Variants in LATS2 observed in about 807,000 individuals in gnomAD.
LATS2 encodes large tumor suppressor kinase 2, also known as serine/threonine-protein kinase LATS2.
In LATS2, 24 loss-of-function variants were observed where a neutral mutation model predicts 76.0. That is an observed-to-expected ratio of 0.32 (90% CI 0.23 to 0.44). The LOEUF (loss-of-function observed/expected upper bound fraction) is 0.44, where lower values mean the gene tolerates loss of function less well. LATS2 is among the 20% of genes least tolerant of loss of function. The pLI is 1.00. For synonymous variants in LATS2, 692 were observed against 635.4 expected (o/e 1.09, Z -1.34); for missense variants, 1,286 against 1,481.2 (o/e 0.87, Z 2.16).
intron 7 of LATS2, among the ~76,000 whole-genome samples, chr13:20,979,476 AAATGGGTCC>A (rs1869772786): frequency 6.6e-6 from 1 of 152,190 alleles, no homozygotes; most frequent in Non-Finnish European, 1.5e-5. Context: ...TCAGATATTA[AAATGGGTCC>A]AATTCCATGG....
chr13:21,000,051 T>C (rs1352711322), intron 2 of LATS2, among the ~76,000 whole-genome samples: 1 of 151,924 alleles, frequency 6.6e-6, no homozygotes, highest in African/African-American at 2.4e-5. Flanking sequence ...ATAAAGAGCA[T>C]TTTACAACTA....
chr13:21,057,538 CG>C (rs2138420757), intron 1 of LATS2, among the ~76,000 whole-genome samples: 1 of 152,268 alleles, frequency 6.6e-6, no homozygotes, highest in African/African-American at 2.4e-5. Flanking sequence ...CGTAACAGGC[CG>C]GGCGCGGTGG....
chr13:20,977,956 T>C (rs1869701396), intron 7 of LATS2, among the ~76,000 whole-genome samples: 1 of 152,060 alleles, frequency 6.6e-6, no homozygotes, highest in South Asian at 2.1e-4. Flanking sequence ...CGCTCTGTCA[T>C]CCAGGTTGGA....
intron 2 of LATS2, among the ~76,000 whole-genome samples, chr13:20,999,433 G>A (rs750825968): frequency 2.0e-5 from 3 of 152,102 alleles, no homozygotes; most frequent in Non-Finnish European, 4.4e-5. Flanking sequence ...TCTCTGTATC[G>A]TTCCAATTTT....
chr13:20,995,321 CT>C (rs1565947917), intron 2 of LATS2, among the ~76,000 whole-genome samples: 1 of 152,154 alleles, frequency 6.6e-6, no homozygotes, highest in East Asian at 1.9e-4. Context: ...GTAATGAGTT[CT>C]TTTCCCCAAG....
chr13:21,007,104 CTG>C (rs1005339044), intron 2 of LATS2, among the ~76,000 whole-genome samples: 1 of 152,128 alleles, frequency 6.6e-6, no homozygotes, highest in Non-Finnish European at 1.5e-5. Flanking sequence ...GTAGCAAAAA[CTG>C]AAATTCCCTG....
At chr13:21,004,435 A>C (rs112613027) in intron 2 of LATS2, among the ~76,000 whole-genome samples, 14 of 56,668 alleles carry the variant, frequency 2.5e-4, no homozygotes, top group African/African-American at 1.3e-3. Flanking sequence ...ACACTGTCTC[A>C]AAAAAAAAAA....
At chr13:21,010,605 C>CA (rs1871554843) in intron 2 of LATS2, among the ~76,000 whole-genome samples, 2 of 152,196 alleles carry the variant, frequency 1.3e-5, no homozygotes, top group Non-Finnish European at 2.9e-5. Context: ...AAAGCACTGT[C>CA]AAAGACACTG....
At position 20,988,081 on chromosome 13, in the gene LATS2, C is replaced by T. The variant is rs1870246604; in HGVS notation, c.1699G>A (p.Gly567Arg). The T allele has an allele frequency of 1.2e-6, 2 of 1,614,272 alleles. No homozygotes were observed. The highest frequency in any genetic ancestry group is 2.7e-5 in the African/African-American group (2 of 75,074). The change falls in exon 4 of 8, where the codon GGA (glycine) becomes AGA (arginine). Residue 567 changes from glycine (G) to arginine (R), a missense_variant. Physicochemically the swap from Gly to Arg is moderately radical, Grantham distance 125. Around this residue, in one of 5 missense-constraint regions of LATS2, gnomAD observed 710 missense variants for 660.9 expected, o/e 1.07. Coordinates refer to ENST00000382592, the MANE Select transcript of LATS2 (RefSeq NM_014572.3). ...GTCTGAATCTGCTTTTTATCCTTTC[C>T]GCCTTTGTCCCCCTTGGCGCTTTTG... is the stretch of plus-strand genomic sequence containing the variant. ...SRKSAKGDKG[G>R]KDKKQIQTSP...
At chr13:21,006,040 G>C (rs9550691) in intron 2 of LATS2, among the ~76,000 whole-genome samples, 23,772 of 151,978 alleles carry the variant, frequency 0.16, 2,971 homozygotes, top group East Asian at 0.5. Flanking sequence ...GGGAGGCTGA[G>C]GCAGGAGAAT....
At chr13:21,060,264 G>A (rs1191506415) in intron 1 of LATS2, among the ~76,000 whole-genome samples, 8 of 152,228 alleles carry the variant, frequency 5.3e-5, no homozygotes, top group Admixed American at 1.3e-4. Flanking sequence ...TTCTGGAGTT[G>A]GGCTGAAGGA....
intron 2 of LATS2, among the ~76,000 whole-genome samples, chr13:20,995,690 T>G (rs940232522): frequency 6.6e-6 from 1 of 152,114 alleles, no homozygotes; most frequent in African/African-American, 2.4e-5. Flanking sequence ...ACAGCAGAGA[T>G]GCACCAAGGC....
chr13:20,996,986 G>A (rs563108682), intron 2 of LATS2, among the ~76,000 whole-genome samples: 39 of 152,352 alleles, frequency 2.6e-4, no homozygotes, highest in African/African-American at 8.9e-4. Flanking sequence ...TGGCAGCCTC[G>A]TCTCTTCTGG....
intron 1 of LATS2, among the ~76,000 whole-genome samples, chr13:21,051,178 T>C (rs1247843109): frequency 6.6e-5 from 10 of 152,192 alleles, no homozygotes; most frequent in Admixed American, 5.9e-4. Flanking sequence ...TAAATGTGTA[T>C]ACATGTGATG....
rs1188454880 is a variant in LATS2, at chr13:20,991,502, T to G, written c.343-98A>C. On this transcript the variant is annotated intron_variant, in intron 2 of 7. Coordinates refer to ENST00000382592, the MANE Select transcript of LATS2 (RefSeq NM_014572.3). The surrounding 1 kb of genome is among the most constrained non-coding windows in gnomAD (Gnocchi z 4.9). ...TCCGTGCTGGACTGTGCTGGGACAC[T>G]TCGCCTCTGTACTGCTGAGAACCTG... 1 of 1,392,008 alleles carries G rather than the reference T, an allele frequency of 7.2e-7. No homozygotes were observed. Among genetic ancestry groups the G allele is most frequent in the African/African-American group, 1.4e-5 (1 of 70,894 alleles). The allele number at this position is 1,392,008 out of a possible 1,614,324, so 86.2% of individuals were successfully genotyped here.
chr13:21,053,581 C>T (rs1873351616), intron 1 of LATS2, among the ~76,000 whole-genome samples: 1 of 152,120 alleles, frequency 6.6e-6, no homozygotes. Flanking sequence ...ACAAAGCCTG[C>T]CAGTGCCACC....
intron 2 of LATS2, among the ~76,000 whole-genome samples, chr13:21,013,328 G>C (rs2050576): frequency 5.9e-5 from 9 of 152,146 alleles, no homozygotes; most frequent in Non-Finnish European, 8.8e-5. Context: ...ATCCTGGCTC[G>C]ATGCCTAATA....
At chr13:21,049,533 C>G (rs1256817929) in intron 1 of LATS2, among the ~76,000 whole-genome samples, 1 of 152,192 alleles carries the variant, frequency 6.6e-6, no homozygotes, top group Admixed American at 6.5e-5. Flanking sequence ...GCCCTCCCGG[C>G]TCACTCACAT....
chr13:20,998,747 G>A (rs1363032722), intron 2 of LATS2, among the ~76,000 whole-genome samples: 1 of 152,204 alleles, frequency 6.6e-6, no homozygotes, highest in African/African-American at 2.4e-5. Context: ...AATGCGGGGC[G>A]AGGCGGGGCG....
Sources: gnomAD v4.1 joint callset for allele counts (sites outside exome capture counted in the v4.1 genomes callset) on GRCh38, gnomAD v4.1.1 for gene constraint, gnomAD v4.1.1 regional missense constraint, Gnocchi (gnomAD v3.1) non-coding constraint, MANE v1.5 for transcripts, NCBI Gene and HGNC (gene_info 2026-07-23, HGNC 2026-07-21) for gene names.